Variants in PHF2 observed in about 807,000 individuals in gnomAD.
PHF2 encodes the protein lysine-specific demethylase PHF2.
A neutral mutation model predicts 120.5 loss-of-function variants in PHF2; 27 were observed. The ratio of observed to expected loss-of-function variants is 0.22; its 90% CI spans 0.17 to 0.31. The LOEUF (loss-of-function observed/expected upper bound fraction) is 0.31. Ranked by LOEUF, PHF2 falls within the 10% of genes least tolerant of loss-of-function variation. The pLI is 1.00. For synonymous variants in PHF2, 568 were observed against 592.5 expected, an observed-to-expected ratio of 0.96 and a Z score of 0.60; for missense variants, 1,024 against 1,434.8, an observed-to-expected ratio of 0.71 and a Z score of 4.63.
At chr9:93,636,388 C>T (rs1288073994) in intron 2 of PHF2, 23 bp from the exon 3 acceptor site, 2 of 1,576,570 alleles carry the variant, frequency 1.3e-6, no homozygotes, top group Admixed American at 3.7e-5. Context: ...TGTGACCGAC[C>T]TTGCTTCCGG....
At chr9:93,631,344 C>T (rs922065860) in intron 2 of PHF2, among the ~76,000 whole-genome samples, 1 of 152,186 alleles carries the variant, frequency 6.6e-6, no homozygotes, top group African/African-American at 2.4e-5. Flanking sequence ...ACAGCCTCAA[C>T]AAATATGCAA....
rs116186971 is a variant in PHF2 at position 93,654,262 on chromosome 9, C to T, written c.790-151C>T. The T allele has an allele frequency of 6.6e-5, 43 of 650,866 alleles. No homozygotes were observed. The African/African-American group carries it at 6.9e-4, about 10-fold the overall frequency. 40.3% of individuals were successfully genotyped at this position (650,866 alleles called of 1,614,324 possible). ...ATACCCAGAACCTTCCTAACATGCA[C>T]ATTTCTGAATTGCAAAGCACCTGTG... On this transcript the variant is annotated intron_variant, in intron 6 of 21. Transcript: ENST00000359246.
chr9:93,663,973 C>G (rs1038903066), intron 14 of PHF2, among the ~76,000 whole-genome samples: 5 of 152,228 alleles, frequency 3.3e-5, no homozygotes, highest in Non-Finnish European at 7.3e-5. Context: ...CACGCTCCAC[C>G]TGTAGTGTGG....
chr9:93,581,080 G>A (rs1862921986), intron 1 of PHF2, among the ~76,000 whole-genome samples: 1 of 152,106 alleles, frequency 6.6e-6, no homozygotes, highest in Non-Finnish European at 1.5e-5. Context: ...GACTTGCCTG[G>A]CATGGCTCCC....
rs759427228 is a variant in PHF2, at chr9:93,677,542, A to G, written c.3203-46A>G. On this transcript the variant is annotated intron_variant, in intron 21 of 21. Coordinates refer to ENST00000359246, the MANE Select transcript of PHF2 (RefSeq NM_005392.4). This position sits in a 1 kb window ranked among gnomAD's most constrained non-coding sequence, Gnocchi z 4.4. ...CCACCGGCATGCCACGCCCCTTGCC[A>G]TCTAGCTTACCTTCCCTTTTTGTGT... The G allele has an allele frequency of 2.0e-6, 3 of 1,494,038 alleles. No homozygotes were observed. Among genetic ancestry groups the G allele is most frequent in the South Asian group, 2.3e-5 (2 of 87,716 alleles). 92.5% of individuals were successfully genotyped at this position (1,494,038 alleles called of 1,614,324 possible). A position where few individuals can be genotyped will look rare whatever the true frequency, so the allele number is the denominator to read the frequency against.
intron 10 of PHF2, 60 bp from the exon 11 acceptor site, chr9:93,659,451 G>T: frequency 7.2e-7 from 1 of 1,384,006 alleles, no homozygotes; most frequent in Non-Finnish European, 1.0e-6. Context: ...CAAGAATGCA[G>T]GGGTAAGTCA....
intron 3 of PHF2, among the ~76,000 whole-genome samples, chr9:93,645,273 A>G (rs1412932486): frequency 3.3e-5 from 5 of 152,254 alleles, no homozygotes; most frequent in African/African-American, 1.2e-4. Flanking sequence ...GTCCTCACCT[A>G]TGGGTCAGCC....
At chr9:93,674,743 T>C (rs1221491699) in intron 18 of PHF2, among the ~76,000 whole-genome samples, 184 bp from the exon 19 acceptor site, 3 of 152,146 alleles carry the variant, frequency 2.0e-5, no homozygotes, top group Admixed American at 2.0e-4. Flanking sequence ...CCTGTGCCCA[T>C]GCCTGGGGTG....
chr9:93,632,056 A>T (rs1826010877), intron 2 of PHF2, among the ~76,000 whole-genome samples: 1 of 151,846 alleles, frequency 6.6e-6, no homozygotes, highest in East Asian at 1.9e-4. Context: ...CACTGTTTTG[A>T]TTTCTCTAAT....
In PHF2 at chr9:93,679,092, T is replaced by C; in HGVS notation, c.*1416T>C. 2 of 374,374 alleles carry C rather than the reference T, an allele frequency of 5.3e-6. No individual in the cohort carries two copies. The highest frequency in any genetic ancestry group is 2.0e-5 in the South Asian group (1 of 49,956). The allele number at this position is 374,374 out of a possible 1,614,324, so 23.2% of individuals were successfully genotyped here. Reference sequence around the variant, plus strand: ...TATTTTACTAGCACCTTGTGAAGTGTTTCCGTGTTTTGTGATGCTGTAATT... The same window carrying C: ...TATTTTACTAGCACCTTGTGAAGTGCTTCCGTGTTTTGTGATGCTGTAATT... On this transcript the variant is annotated 3_prime_UTR_variant, in exon 22 of 22. Coordinates refer to ENST00000359246, the MANE Select transcript of PHF2 (RefSeq NM_005392.4).
chr9:93,587,533 T>TCCCAGATAGG (rs1863077036), intron 1 of PHF2, among the ~76,000 whole-genome samples: 7 of 105,350 alleles, frequency 6.6e-5, no homozygotes, highest in Non-Finnish European at 8.1e-5. Context: ...TCCCAGATAG[T>TCCCAGATAGG]GGATGGAGGA....
chr9:93,659,311 T>C (rs1159070224), intron 10 of PHF2, among the ~76,000 whole-genome samples, 200 bp from the exon 11 acceptor site: 1 of 152,248 alleles, frequency 6.6e-6, no homozygotes, highest in Non-Finnish European at 1.5e-5. Flanking sequence ...AAGCTTGTCC[T>C]CTCTGGTACT....
rs769566195 is a variant in PHF2 at position 93,679,417 on chromosome 9, T to A, written c.*1741T>A. On this transcript the variant is annotated 3_prime_UTR_variant, in exon 22 of 22. Transcript: ENST00000359246. ...AGCTGTTCTCTCTCTCTCTTTTTTT[T>A]AATTTTATTATTATTATTTTGGCAA... 44 of 322,948 alleles carry A rather than the reference T, an allele frequency of 1.4e-4. 1 individual carries two copies. The highest frequency in any genetic ancestry group is 3.2e-4 in the South Asian group (13 of 40,932). 20.0% of individuals were successfully genotyped at this position (322,948 alleles called of 1,614,324 possible).
rs1826467564 is a variant in PHF2 at position 93,656,736 on chromosome 9, G to A, written c.1147+141G>A. ...AGTCCTCTTGGGACTCAGACCCCTG[G>A]GGCTCAGTTTCCCCATCTGTATAAT... On this transcript the variant is annotated intron_variant, in intron 9 of 21. Transcript: ENST00000359246. This position sits in a 1 kb window ranked among gnomAD's most constrained non-coding sequence, Gnocchi z 4.1. The A allele has an allele frequency of 1.6e-6, 1 of 643,062 alleles. No individual in the cohort carries two copies. The highest frequency in any genetic ancestry group is 2.8e-6 in the Non-Finnish European group (1 of 359,982). The allele number at this position is 643,062 out of a possible 1,614,324, so 39.8% of individuals were successfully genotyped here.
chr9:93,612,401 T>A (rs753758305), intron 1 of PHF2, among the ~76,000 whole-genome samples: 5 of 152,240 alleles, frequency 3.3e-5, no homozygotes, highest in Non-Finnish European at 5.9e-5. Flanking sequence ...ACCCTAAAGG[T>A]CACCCACCTT....
At chr9:93,675,828 C>T in intron 20 of PHF2, 39 bp downstream of exon 20, 2 of 1,498,202 alleles carry the variant, frequency 1.3e-6, no homozygotes, top group Non-Finnish European at 1.8e-6. Context: ...AGCCAGGTCC[C>T]TGCTACCCCC....
chr9:93,630,441 G>A (rs552116557), intron 2 of PHF2, among the ~76,000 whole-genome samples: 102 of 152,334 alleles, frequency 6.7e-4, no homozygotes, highest in African/African-American at 2.4e-3. Context: ...TGCTACACGG[G>A]GGGCCCAGCC....
chr9:93,625,473 T>C (rs1404597578), intron 1 of PHF2, among the ~76,000 whole-genome samples: 1 of 141,910 alleles, frequency 7.0e-6, no homozygotes, highest in Non-Finnish European at 1.5e-5. Flanking sequence ...AGTACCTTTT[T>C]TTTTTTTTTT....
chr9:93,586,825 C>T (rs1863054600), intron 1 of PHF2, among the ~76,000 whole-genome samples: 2 of 152,316 alleles, frequency 1.3e-5, no homozygotes, highest in South Asian at 4.1e-4. Flanking sequence ...CTGCACGGCC[C>T]CTGAAGCTAG....
Sources: gnomAD v4.1 joint callset for allele counts (sites outside exome capture counted in the v4.1 genomes callset) on GRCh38, gnomAD v4.1.1 for gene constraint, Gnocchi (gnomAD v3.1) non-coding constraint, MANE v1.5 for transcripts, NCBI Gene and HGNC (gene_info 2026-07-23, HGNC 2026-07-21) for gene names.